Variants in POLR1A observed in about 807,000 individuals in gnomAD.
POLR1A encodes RNA polymerase I subunit A.
In POLR1A, 84 loss-of-function variants were observed where a neutral mutation model predicts 205.3. That is an observed-to-expected ratio of 0.41 (90% CI 0.34 to 0.49). The LOEUF is 0.49. POLR1A is among the 20% of genes least tolerant of loss of function. The pLI is 0.22. For synonymous variants in POLR1A, 799 were observed against 863.7 expected (o/e 0.93, Z 1.31); for missense variants, 1,645 against 2,204.5 (o/e 0.75, Z 5.08).
At position 86,028,910 on chromosome 2, in the gene POLR1A, C is replaced by T. The variant is rs916493590; in HGVS notation, c.4780-199G>A. ...CTGCTGACGGCTCGCTGGCCGGGGC[C>T]CAAGGTCTGTATCGTCATTACAAGA... On this transcript the variant is annotated intron_variant, in intron 31 of 33. Transcript: ENST00000263857. The surrounding 1 kb of genome is among the most constrained non-coding windows in gnomAD (Gnocchi z 4.5). The T allele has an allele frequency of 1.7e-6, 1 of 572,708 alleles. No homozygotes were observed. Among genetic ancestry groups the T allele is most frequent in the Non-Finnish European group, 3.2e-6 (1 of 316,972 alleles). 35.5% of individuals were successfully genotyped at this position (572,708 alleles called of 1,614,324 possible).
At chr2:86,029,085 C>T (rs1487511257) in intron 31 of POLR1A, among the ~76,000 whole-genome samples, 1 of 152,228 alleles carries the variant, frequency 6.6e-6, no homozygotes, top group African/African-American at 2.4e-5. Flanking sequence ...ATTACACACC[C>T]CTCCAGGGTG....
chr2:86,075,947 C>T (rs948316572), intron 11 of POLR1A, among the ~76,000 whole-genome samples: 4 of 152,236 alleles, frequency 2.6e-5, no homozygotes, highest in African/African-American at 4.8e-5. Context: ...TCTACCCTGG[C>T]AGACATCACT....
chr2:86,071,466 A>G (rs570500564), intron 12 of POLR1A, among the ~76,000 whole-genome samples: 1 of 152,292 alleles, frequency 6.6e-6, no homozygotes, highest in South Asian at 2.1e-4. Flanking sequence ...ACTTTCCTAC[A>G]TCTTAGCATC....
At chr2:86,093,717 C>A (rs1048310865) in intron 3 of POLR1A, among the ~76,000 whole-genome samples, 1 of 152,150 alleles carries the variant, frequency 6.6e-6, no homozygotes, top group Admixed American at 6.5e-5. Flanking sequence ...GTAGTTCCAG[C>A]TACTCGTGAG....
At chr2:86,079,871 G>A (rs185233647) in intron 9 of POLR1A, among the ~76,000 whole-genome samples, 280 of 152,228 alleles carry the variant, frequency 1.8e-3, no homozygotes, top group Non-Finnish European at 3.0e-3. Flanking sequence ...CAGGCTGCCC[G>A]ATTTTTAAGG....
intron 14 of POLR1A, among the ~76,000 whole-genome samples, chr2:86,064,819 TC>T (rs1166230459): frequency 4.0e-5 from 6 of 151,750 alleles, no homozygotes; most frequent in Admixed American, 3.3e-4. Flanking sequence ...CAGTGGCTGA[TC>T]CTGACTCACT....
chr2:86,087,309 T>A (rs1235797041), intron 6 of POLR1A, among the ~76,000 whole-genome samples: 1 of 152,218 alleles, frequency 6.6e-6, no homozygotes, highest in African/African-American at 2.4e-5. Context: ...AAAACATACA[T>A]CATGCATCTC....
At chr2:86,094,229 G>C (rs145119261) in intron 3 of POLR1A, among the ~76,000 whole-genome samples, 1 of 152,134 alleles carries the variant, frequency 6.6e-6, no homozygotes, top group Non-Finnish European at 1.5e-5. Flanking sequence ...TTGAAAGTGC[G>C]TTAGTAGCCT....
At chr2:86,089,414 A>T (rs1573833071) in intron 4 of POLR1A, among the ~76,000 whole-genome samples, 1 of 152,252 alleles carries the variant, frequency 6.6e-6, no homozygotes, top group African/African-American at 2.4e-5. Flanking sequence ...AGATTCCAAG[A>T]CTAGTATCAC....
Position 86,028,750 on chromosome 2 carries a change from G to GCCTTCTGCTC in POLR1A, c.4780-49_4780-40dup. On this transcript the variant is annotated intron_variant, in intron 31 of 33. Transcript: ENST00000263857. This position sits in a 1 kb window ranked among gnomAD's most constrained non-coding sequence, Gnocchi z 4.5. ...GGAAGGGATTTATTTAGAGGGCCTG[G>GCCTTCTGCTC]CCTTCTGCTCCCTTCTGCCTGCGTA... 2.0e-6 allele frequency: 3 copies of GCCTTCTGCTC among 1,480,676 alleles called. 1 individual carries two copies. Among genetic ancestry groups the GCCTTCTGCTC allele is most frequent in the Non-Finnish European group, 2.8e-6 (3 of 1,059,802 alleles). The allele number at this position is 1,480,676 out of a possible 1,614,324, so 91.7% of individuals were successfully genotyped here. A position where few individuals can be genotyped will look rare whatever the true frequency, so the allele number is the denominator to read the frequency against.
Position 86,026,957 on chromosome 2 carries a change from C to CATTAAAAAA in POLR1A, c.*465_*466insTTTTTTAAT. 1 of 179,864 alleles carries CATTAAAAAA rather than the reference C, an allele frequency of 5.6e-6. No individual in the cohort carries two copies. Among genetic ancestry groups the CATTAAAAAA allele is most frequent in the Admixed American group, 5.3e-5 (1 of 18,790 alleles). 11.1% of individuals were successfully genotyped at this position (179,864 alleles called of 1,614,324 possible). ...CAGCAGGCTCCACGTTCCTGCTCAT[C>CATTAAAAAA]GGGAGCCCCCAGGAATCTTGTCTGT... is the stretch of plus-strand genomic sequence containing the variant. On this transcript the variant is annotated 3_prime_UTR_variant, in exon 34 of 34. Transcript: ENST00000263857.
intron 4 of POLR1A, 58 bp downstream of exon 4, chr2:86,089,764 A>C: frequency 1.9e-6 from 2 of 1,053,202 alleles, no homozygotes; most frequent in South Asian, 1.3e-5. Context: ...GACAACACAG[A>C]GGGAAAGTGA....
chr2:86,073,898 T>C (rs2104415893), intron 12 of POLR1A, among the ~76,000 whole-genome samples: 1 of 152,346 alleles, frequency 6.6e-6, no homozygotes, highest in South Asian at 2.1e-4. Context: ...CCTTGCTTCT[T>C]TTTGCATTGC....
At position 86,070,274 on chromosome 2, in the gene POLR1A, T is replaced by G; in HGVS notation, c.1612-2A>C. The G allele has an allele frequency of 6.2e-7, 1 of 1,604,174 alleles. No individual in the cohort carries two copies. The highest frequency in any genetic ancestry group is 8.5e-7 in the Non-Finnish European group (1 of 1,173,724). ...CCCATTCTTCACATGCCGGCACACCTGGGAACAGAGTGGACAGGTGGGTGA... is the reference window on the plus strand; with the variant it reads ...CCCATTCTTCACATGCCGGCACACCGGGGAACAGAGTGGACAGGTGGGTGA... On this transcript the variant is annotated splice_acceptor_variant, in intron 12 of 33. Transcript: ENST00000263857. LOFTEE classifies it high-confidence loss of function. This position sits in a 1 kb window ranked among gnomAD's most constrained non-coding sequence, Gnocchi z 4.4.
rs1672752466 is a variant in POLR1A, at chr2:86,048,936, A to G, written c.2582T>C (p.Ile861Thr). ...LGKDQRDFNM[I>T]DLKFKEEVNH... The stretch of plus-strand genomic sequence containing the variant: ...CACTTCCTCCTTGAACTTCAGATCA[A>G]TCATGTTAAAATCCCTCTGGTCCTT... Residue 861 changes from isoleucine to threonine, a missense_variant, in exon 18 of 34, where the codon ATT (isoleucine) becomes ACT (threonine). Transcript: ENST00000263857. The G allele has an allele frequency of 6.2e-7, 1 of 1,614,228 alleles. No individual in the cohort carries two copies. The highest frequency in any genetic ancestry group is 8.5e-7 in the Non-Finnish European group (1 of 1,180,008).
rs1473740396 is a variant in POLR1A at position 86,042,960 on chromosome 2, C to T, written c.3357+14G>A. 3 of 1,597,828 alleles carry T rather than the reference C, an allele frequency of 1.9e-6. No individual in the cohort carries two copies. In the African/African-American group the frequency reaches 4.0e-5, roughly 21 times the overall value. ...GACGTGCTGGACATTAAGGACACCACCTCCCTGCATCACCTCCTGAGTCCC... is the reference window on the plus strand; with the variant it reads ...GACGTGCTGGACATTAAGGACACCATCTCCCTGCATCACCTCCTGAGTCCC... On this transcript the variant is annotated intron_variant, in intron 23 of 33. Coordinates refer to ENST00000263857, the MANE Select transcript of POLR1A (RefSeq NM_015425.6).
In POLR1A at chr2:86,088,777, ATACT is replaced by A; in HGVS notation, c.626+4_626+7del. ...CGTCTCACCTGGCGCAAGGGCCCTG[ATACT>A]TACTTGCAGTGGGGACAGCGCTTAG... On this transcript the variant is annotated splice_donor_5th_base_variant and intron_variant, in intron 5 of 33. Coordinates refer to ENST00000263857, the MANE Select transcript of POLR1A (RefSeq NM_015425.6). 1 of 1,611,720 alleles carries A rather than the reference ATACT, an allele frequency of 6.2e-7. No individual in the cohort carries two copies.
chr2:86,085,246 C>A (rs1217059945), intron 6 of POLR1A, among the ~76,000 whole-genome samples: 1 of 151,996 alleles, frequency 6.6e-6, no homozygotes, highest in African/African-American at 2.4e-5. Flanking sequence ...CAAGTGTAAG[C>A]CACCGTGCCC....
In POLR1A at chr2:86,047,245, G is replaced by C; in HGVS notation, c.2653C>G (p.Leu885Val). Residue 885 changes from leucine to valine, a missense_variant, in exon 19 of 34, where the codon CTA becomes GTA. Physicochemically the swap from Leu to Val is conservative, Grantham distance 32 (BLOSUM62 1). Coordinates refer to ENST00000263857, the MANE Select transcript of POLR1A (RefSeq NM_015425.6). ...EINKACMPFG[L>V]HRQFPENSLQ... ...CTGTTCTCTGGGAACTGTCTGTGTA[G>C]GCCAAAAGGCATGCATGCCTGCAGA... is the stretch of plus-strand genomic sequence containing the variant. The C allele has an allele frequency of 6.2e-7, 1 of 1,613,602 alleles. No individual in the cohort carries two copies. The highest frequency in any genetic ancestry group is 8.5e-7 in the Non-Finnish European group (1 of 1,179,580).
Sources: gnomAD v4.1 joint callset for allele counts (sites outside exome capture counted in the v4.1 genomes callset) on GRCh38, gnomAD v4.1.1 for gene constraint, Gnocchi (gnomAD v3.1) non-coding constraint, MANE v1.5 for transcripts, NCBI Gene and HGNC (gene_info 2026-07-23, HGNC 2026-07-21) for gene names.